The following PCDHGB6 variants were observed in gnomAD, a reference collection of about 807,000 sequenced individuals.
The protein encoded by PCDHGB6 is protocadherin gamma subfamily B, 6.
PCDHGB6 carries 51 observed loss-of-function variants against 59.1 expected under a neutral mutation model. That is an observed-to-expected ratio of 0.86 (90% CI 0.69 to 1.09). The LOEUF is 1.09. Ranked by LOEUF, PCDHGB6 falls within the 50% of genes least tolerant of loss-of-function variation. The pLI, the probability that PCDHGB6 is intolerant of heterozygous loss-of-function variation, is 0.00. For synonymous variants in PCDHGB6, 466 were observed against 495.1 expected (o/e 0.94, Z 0.78); for missense variants, 1,148 against 1,205.1 (o/e 0.95, Z 0.70).
At chr5:141,462,039 T>A (rs569871892) in intron 1 of PCDHGB6, among the ~76,000 whole-genome samples, 1 of 152,276 alleles carries the variant, frequency 6.6e-6, no homozygotes, top group Non-Finnish European at 1.5e-5. Flanking sequence ...GTCAGGCGGG[T>A]CTTGAACTCC....
At chr5:141,426,963 C>G (rs1008659501) in intron 1 of PCDHGB6, 1 of 456,646 alleles carries the variant, frequency 2.2e-6, no homozygotes, top group African/African-American at 2.0e-5. Flanking sequence ...TGCTGCAATT[C>G]AAATTGAGGT....
rs2099884159 is a variant in PCDHGB6 at position 141,512,278 on chromosome 5, G to A, written c.*1105G>A. 6.5e-6 allele frequency: 1 copy of A among 152,812 alleles called. No homozygotes were observed. Among genetic ancestry groups the A allele is most frequent in the Non-Finnish European group, 1.5e-5 (1 of 68,170 alleles). 9.5% of individuals were successfully genotyped at this position (152,812 alleles called of 1,614,324 possible). A position where few individuals can be genotyped will look rare whatever the true frequency, so the allele number is the denominator to read the frequency against. ...TGCTGGGTACTCCAGAGGTGCCACT[G>A]GTGGAAGGGTCAGCGGAGCCCCAGC... On this transcript the variant is annotated 3_prime_UTR_variant, in exon 4 of 4. Coordinates refer to ENST00000520790, the MANE Select transcript of PCDHGB6 (RefSeq NM_018926.3).
intron 1 of PCDHGB6, among the ~76,000 whole-genome samples, chr5:141,454,357 TAGAA>T (rs758087339): frequency 3.5e-4 from 54 of 152,354 alleles, no homozygotes; most frequent in Non-Finnish European, 6.3e-4. Context: ...GATCCAAACT[TAGAA>T]AGGAGTATGG....
intron 1 of PCDHGB6, among the ~76,000 whole-genome samples, chr5:141,454,796 A>ATTTTTTTTTTTTTTTTTTTTTTTTTTT (rs61612330): frequency 3.9e-5 from 3 of 77,408 alleles, no homozygotes; most frequent in Admixed American, 1.8e-4. Flanking sequence ...CATGGTTCTA[A>ATTTTTTTTTTTTTTTTTTTTTTTTTTT]TTTTTTTTTT....
intron 1 of PCDHGB6, chr5:141,417,540 A>G (rs1301087527): frequency 2.0e-5 from 6 of 301,520 alleles, no homozygotes; most frequent in Non-Finnish European, 3.6e-5. Context: ...TTTAAAAAAA[A>G]TTCCTTGAAA....
chr5:141,465,021 C>A (rs974818222), intron 1 of PCDHGB6, among the ~76,000 whole-genome samples: 1 of 152,100 alleles, frequency 6.6e-6, no homozygotes, highest in Non-Finnish European at 1.5e-5. Flanking sequence ...AGATTACAGC[C>A]ATGAACCACC....
intron 1 of PCDHGB6, chr5:141,430,569 G>A (rs1252716330): frequency 4.5e-6 from 2 of 439,930 alleles, no homozygotes; most frequent in African/African-American, 4.1e-5. Flanking sequence ...GGAGAGAAAA[G>A]CGGAGATCCT....
At position 141,410,196 on chromosome 5, in the gene PCDHGB6, C is replaced by A. The variant is rs773310778; in HGVS notation, c.1994C>A (p.Ala665Glu). 7.4e-6 allele frequency: 12 copies of A among 1,613,866 alleles called. No individual in the cohort carries two copies. In the South Asian group the frequency reaches 1.2e-4, roughly 16 times the overall value. The change falls in exon 1 of 4, where the codon GCA becomes GAA. Residue 665 changes from alanine (A) to glutamate (E), a missense_variant. Around this residue, in one of 5 missense-constraint regions of PCDHGB6, gnomAD observed 549 missense variants for 527.5 expected, o/e 1.04. Transcript: ENST00000520790. ...ACCGCCACGCTTCATCTGGTCTTCG[C>A]AGACAACTTGCAAGAGATACTGCCA... is the stretch of plus-strand genomic sequence containing the variant. ...SATATLHLVFADNLQEILPDL... is the reference protein window; with the variant it reads ...SATATLHLVFEDNLQEILPDL...
At chr5:141,454,123 C>CT (rs1273558932) in intron 1 of PCDHGB6, among the ~76,000 whole-genome samples, 5 of 152,194 alleles carry the variant, frequency 3.3e-5, no homozygotes, top group Non-Finnish European at 7.3e-5. Flanking sequence ...GAAGAAATAG[C>CT]TGACCATGGG....
At chr5:141,455,411 G>T (rs1292246147) in intron 1 of PCDHGB6, among the ~76,000 whole-genome samples, 1 of 152,096 alleles carries the variant, frequency 6.6e-6, no homozygotes, top group Non-Finnish European at 1.5e-5. Context: ...AGAGACAGAG[G>T]GAGCGGGGCT....
rs72790062 is a variant in PCDHGB6, at chr5:141,476,031, C to A, written c.2419-18776C>A. On this transcript the variant is annotated intron_variant, in intron 1 of 3. Coordinates refer to ENST00000520790, the MANE Select transcript of PCDHGB6 (RefSeq NM_018926.3). The surrounding 1 kb of genome is among the most constrained non-coding windows in gnomAD (Gnocchi z 7.6). Reference sequence around the variant, plus strand: ...AAGCCATGTCGGACTCGGCGCCCAGCGCCCAAGCGCTAACCCGCTGAAAGT... The same window carrying A: ...AAGCCATGTCGGACTCGGCGCCCAGAGCCCAAGCGCTAACCCGCTGAAAGT... 6.9e-6 allele frequency: 10 copies of A among 1,457,214 alleles called. No homozygotes were observed. The highest frequency in any genetic ancestry group is 9.1e-6 in the Non-Finnish European group (10 of 1,094,860). 90.3% of individuals were successfully genotyped at this position (1,457,214 alleles called of 1,614,324 possible).
chr5:141,486,170 C>T lies in PCDHGB6; in HGVS notation c.2419-8637C>T, dbSNP rs759946548. The stretch of plus-strand genomic sequence containing the variant: ...TGGGGGTTCTCCAGCCATGGAGCAA[C>T]ATTGCAGCCTTCGAGTGGATCTGCT... On this transcript the variant is annotated intron_variant, in intron 1 of 3. Coordinates refer to ENST00000520790, the MANE Select transcript of PCDHGB6 (RefSeq NM_018926.3). This position sits in a 1 kb window ranked among gnomAD's most constrained non-coding sequence, Gnocchi z 5.0. The T allele has an allele frequency of 1.5e-5, 24 of 1,614,116 alleles. No individual in the cohort carries two copies. Among genetic ancestry groups the T allele is most frequent in the South Asian group, 4.4e-5 (4 of 91,090 alleles).
rs1562144438 is a variant in PCDHGB6, at chr5:141,491,135, G to A, written c.2419-3672G>A. On this transcript the variant is annotated intron_variant, in intron 1 of 3. Transcript: ENST00000520790. The surrounding 1 kb of genome is among the most constrained non-coding windows in gnomAD (Gnocchi z 6.9). Reference sequence around the variant, plus strand: ...CACACTGGTGAGGTGCGCACAGCCCGGGCCTTACTGGAGGATGACTCTGAC... The same window carrying A: ...CACACTGGTGAGGTGCGCACAGCCCAGGCCTTACTGGAGGATGACTCTGAC... 4 of 1,614,104 alleles carry A rather than the reference G, an allele frequency of 2.5e-6. No homozygotes were observed. The highest frequency in any genetic ancestry group is 1.3e-5 in the African/African-American group (1 of 75,034).
chr5:141,456,389 TTTGA>T (rs1181323617), intron 1 of PCDHGB6, among the ~76,000 whole-genome samples: 2 of 152,074 alleles, frequency 1.3e-5, no homozygotes, highest in Non-Finnish European at 2.9e-5. Flanking sequence ...CCGTTTGGAG[TTTGA>T]TTGCTTCTAG....
In PCDHGB6 at chr5:141,432,498, G is replaced by A. The variant is rs766191511; in HGVS notation, c.2418+21878G>A. Reference sequence around the variant, plus strand: ...TCCACTGGCGTGGAGCTGGCTCCCCGCTCCGCAGAGCCCGGCTACCTGGTG... The same window carrying A: ...TCCACTGGCGTGGAGCTGGCTCCCCACTCCGCAGAGCCCGGCTACCTGGTG... On this transcript the variant is annotated intron_variant, in intron 1 of 3. Coordinates refer to ENST00000520790, the MANE Select transcript of PCDHGB6 (RefSeq NM_018926.3). This position sits in a 1 kb window ranked among gnomAD's most constrained non-coding sequence, Gnocchi z 6.0. The A allele has an allele frequency of 1.9e-6, 3 of 1,614,106 alleles. No homozygotes were observed. The highest frequency in any genetic ancestry group is 2.5e-6 in the Non-Finnish European group (3 of 1,180,052).
chr5:141,457,270 T>C (rs1338894991), intron 1 of PCDHGB6, among the ~76,000 whole-genome samples: 2 of 152,234 alleles, frequency 1.3e-5, no homozygotes. Flanking sequence ...TTCCCCTCTG[T>C]GGGCCTACGA....
intron 1 of PCDHGB6, chr5:141,478,834 A>G: frequency 7.0e-7 from 1 of 1,427,896 alleles, no homozygotes; most frequent in Non-Finnish European, 9.2e-7. Context: ...TTGCTAAGGG[A>G]TGGTTAAGCT....
At chr5:141,508,483 G>T (rs1186425031) in intron 3 of PCDHGB6, among the ~76,000 whole-genome samples, 2 of 152,154 alleles carry the variant, frequency 1.3e-5, no homozygotes, top group East Asian at 3.9e-4. Context: ...TTACATTCTG[G>T]ATTTCCATAT....
intron 1 of PCDHGB6, chr5:141,413,232 G>A (rs374674787): frequency 1.1e-4 from 170 of 1,613,834 alleles, no homozygotes; most frequent in Non-Finnish European, 1.4e-4. Context: ...GGCTGGTCCT[G>A]CTCTGCCTTT....
Sources: gnomAD v4.1 joint callset for allele counts (sites outside exome capture counted in the v4.1 genomes callset) on GRCh38, gnomAD v4.1.1 for gene constraint, gnomAD v4.1.1 regional missense constraint, Gnocchi (gnomAD v3.1) non-coding constraint, MANE v1.5 for transcripts, NCBI Gene and HGNC (gene_info 2026-07-23, HGNC 2026-07-21) for gene names.